The following ASIC2 variants were observed in gnomAD, a reference collection of about 807,000 sequenced individuals.
ASIC2 encodes the protein acid sensing ion channel subunit 2, also known as acid-sensing ion channel 2.
In ASIC2, 25 loss-of-function variants were observed where a neutral mutation model predicts 57.3. That is an observed-to-expected ratio of 0.44 (90% confidence interval 0.32 to 0.61). The LOEUF is 0.61. Among genes scored for constraint, ASIC2 ranks in the 20% least tolerant of loss-of-function variants. The probability of loss-of-function intolerance (pLI) is 0.06; values close to 1 mark genes in which losing one functional copy is unlikely to be tolerated. For synonymous variants in ASIC2, 319 were observed against 307.5 expected, an observed-to-expected ratio of 1.04 and a Z score of -0.39; for missense variants, 641 against 738.1, an observed-to-expected ratio of 0.87 and a Z score of 1.52.
intron 1 of ASIC2, among the ~76,000 whole-genome samples, chr17:33,363,616 G>A (rs1251622334): frequency 1.3e-5 from 2 of 152,218 alleles, no homozygotes; most frequent in African/African-American, 4.8e-5. Context: ...CAGTGCGCAT[G>A]TCCATTTACC....
At chr17:33,095,218 T>C (rs955608377) in intron 2 of ASIC2, among the ~76,000 whole-genome samples, 2 of 152,192 alleles carry the variant, frequency 1.3e-5, no homozygotes, top group Non-Finnish European at 2.9e-5. Context: ...CTGTTTTATG[T>C]TCCTCTTTGC....
intron 1 of ASIC2, among the ~76,000 whole-genome samples, chr17:33,657,532 A>G (rs1907113402): frequency 6.6e-6 from 1 of 152,098 alleles, no homozygotes; most frequent in Non-Finnish European, 1.5e-5. Context: ...TCTTCCTCTC[A>G]GTTCTGTATC....
chr17:33,510,501 T>A (rs1914398404), intron 1 of ASIC2, among the ~76,000 whole-genome samples: 1 of 151,844 alleles, frequency 6.6e-6, no homozygotes, highest in Non-Finnish European at 1.5e-5. Context: ...CAGAATTAGT[T>A]GGGTGTGGTG....
rs369423328 is a variant in ASIC2, at chr17:33,827,476, C to T, written c.555+328502G>A. On this transcript the variant is annotated intron_variant, in intron 1 of 9. Coordinates refer to the ASIC2 transcript ENST00000359872. ...CCTCCCAAGTAGCTGGGACTACAGG[C>T]GCCCGCCACCATGCCTGGCTATTTT... Among the ~76,000 whole-genome samples, 62 of 149,734 alleles carry T rather than the reference C, an allele frequency of 4.1e-4. 1 individual carries two copies. The highest frequency in any genetic ancestry group is 3.4e-3 in the Middle Eastern group (1 of 292).
At chr17:33,326,701 A>G (rs550301930) in intron 1 of ASIC2, among the ~76,000 whole-genome samples, 3 of 152,270 alleles carry the variant, frequency 2.0e-5, no homozygotes, top group African/African-American at 7.2e-5. Flanking sequence ...TTTTTCCCCA[A>G]AGGGCCTCCT....
chr17:33,293,313 G>C (rs1240239975), upstream of ASIC2, among the ~76,000 whole-genome samples: 1 of 152,080 alleles, frequency 6.6e-6, no homozygotes, highest in Admixed American at 6.6e-5. Context: ...CGGGGCGGCG[G>C]CGGCCGTGAG....
chr17:33,051,892 G>A (rs2091142451), intron 3 of ASIC2, among the ~76,000 whole-genome samples: 1 of 152,106 alleles, frequency 6.6e-6, no homozygotes, highest in South Asian at 2.1e-4. Context: ...ATTATTCAAG[G>A]ATCCATGATT....
chr17:33,302,571 C>T (rs1356193932), intron 1 of ASIC2, among the ~76,000 whole-genome samples: 2 of 152,142 alleles, frequency 1.3e-5, no homozygotes, highest in African/African-American at 4.8e-5. Context: ...TGCATTTCCT[C>T]CTAGCCACAG....
chr17:33,462,157 G>T (rs1912659463), intron 1 of ASIC2, among the ~76,000 whole-genome samples: 1 of 152,158 alleles, frequency 6.6e-6, no homozygotes, highest in Non-Finnish European at 1.5e-5. Context: ...CCTAGCAAAG[G>T]TGACAATTGG....
chr17:33,861,283 A>G (rs1425383328), intron 1 of ASIC2, among the ~76,000 whole-genome samples: 1 of 152,260 alleles, frequency 6.6e-6, no homozygotes, highest in African/African-American at 2.4e-5. Flanking sequence ...TTTAAGGTAC[A>G]ATATTAAATG....
At chr17:33,734,740 T>G (rs1909858482) in intron 1 of ASIC2, among the ~76,000 whole-genome samples, 1 of 152,180 alleles carries the variant, frequency 6.6e-6, no homozygotes, top group African/African-American at 2.4e-5. Context: ...TCTTTCTCTG[T>G]GCACACAGAG....
chr17:33,394,398 G>A (rs1910002171), intron 1 of ASIC2, among the ~76,000 whole-genome samples: 1 of 152,204 alleles, frequency 6.6e-6, no homozygotes. Context: ...TGATACTTGG[G>A]CCTCACCACC....
chr17:33,714,985 T>TTTTTTATTATTA (rs377651164), intron 1 of ASIC2, among the ~76,000 whole-genome samples: 75 of 142,212 alleles, frequency 5.3e-4, no homozygotes, highest in African/African-American at 1.8e-3. Flanking sequence ...GCCAGGCTAA[T>TTTTTTATTATTA]TTATTATTAT....
At chr17:33,747,386 G>A (rs1025276676) in intron 1 of ASIC2, among the ~76,000 whole-genome samples, 8 of 151,966 alleles carry the variant, frequency 5.3e-5, no homozygotes, top group African/African-American at 1.9e-4. Flanking sequence ...ACCACGCCCA[G>A]CTAATTTTTG....
At chr17:33,745,614 G>C (rs1351233405) in intron 1 of ASIC2, among the ~76,000 whole-genome samples, 1 of 151,422 alleles carries the variant, frequency 6.6e-6, no homozygotes, top group African/African-American at 2.4e-5. Context: ...CAGAAACAAT[G>C]TAAGTCAGAA....
chr17:33,025,491 A>G (rs1289248149), intron 5 of ASIC2, among the ~76,000 whole-genome samples: 1 of 152,104 alleles, frequency 6.6e-6, no homozygotes, highest in Non-Finnish European at 1.5e-5. Flanking sequence ...ATGGTACTTC[A>G]GAATCACCTT....
At chr17:33,516,290 A>C (rs550890229) in intron 1 of ASIC2, among the ~76,000 whole-genome samples, 3 of 152,176 alleles carry the variant, frequency 2.0e-5, no homozygotes, top group Non-Finnish European at 4.4e-5. Flanking sequence ...AGTTTGCATC[A>C]CTCACATAGA....
intron 1 of ASIC2, among the ~76,000 whole-genome samples, chr17:33,891,960 C>T (rs1241828380): frequency 1.3e-5 from 2 of 152,176 alleles, no homozygotes; most frequent in Non-Finnish European, 2.9e-5. Flanking sequence ...GCATCTTTGT[C>T]TACCATTTTC....
intron 1 of ASIC2, among the ~76,000 whole-genome samples, chr17:33,674,154 A>G (rs1328160832): frequency 6.6e-6 from 1 of 151,926 alleles, no homozygotes; most frequent in Non-Finnish European, 1.5e-5. Flanking sequence ...CGGCCTCCCA[A>G]AGTGCTGGGA....
Sources: gnomAD v4.1 joint callset for allele counts (sites outside exome capture counted in the v4.1 genomes callset) on GRCh38, gnomAD v4.1.1 for gene constraint, MANE v1.5 for transcripts, NCBI Gene and HGNC (gene_info 2026-07-23, HGNC 2026-07-21) for gene names.